Variants in CACNA1E observed in about 807,000 individuals in gnomAD.
CACNA1E encodes voltage-dependent R-type calcium channel subunit alpha-1E.
CACNA1E carries 40 observed loss-of-function variants against 259.2 expected under a neutral mutation model. The observed-to-expected ratio is 0.15, with a 90% CI of 0.12 to 0.20. The LOEUF is 0.20. CACNA1E is among the 10% of genes least tolerant of loss of function. CACNA1E has a pLI of 1.00. For synonymous variants in CACNA1E, 1,104 were observed against 1,138.5 expected (o/e 0.97, Z 0.61); for missense variants, 1,874 against 3,040.1 (o/e 0.62, Z 9.02).
chr1:181,570,456 C>A (rs1650297050), intron 3 of CACNA1E, among the ~76,000 whole-genome samples: 1 of 152,236 alleles, frequency 6.6e-6, no homozygotes, highest in South Asian at 2.1e-4. Flanking sequence ...GTATTAGTTT[C>A]CTATAGCTTC....
At chr1:181,622,913 T>A (rs2103178458) in intron 6 of CACNA1E, among the ~76,000 whole-genome samples, 1 of 152,280 alleles carries the variant, frequency 6.6e-6, no homozygotes, top group East Asian at 1.9e-4. Flanking sequence ...GCTTAGGAGC[T>A]TTTTCTGGGC....
chr1:181,562,121 TA>T (rs1649388712), intron 3 of CACNA1E, among the ~76,000 whole-genome samples: 1 of 152,162 alleles, frequency 6.6e-6, no homozygotes, highest in African/African-American at 2.4e-5. Context: ...AGATGATTTT[TA>T]AATTTTTTGC....
At chr1:181,771,464 C>G (rs1659507054) in intron 36 of CACNA1E, 80 bp downstream of exon 36, 1 of 769,648 alleles carries the variant, frequency 1.3e-6, no homozygotes, top group African/African-American at 1.7e-5. Flanking sequence ...CCTCCCATTT[C>G]CCTTTGTATC....
chr1:181,780,221 G>C (rs1660306736), intron 38 of CACNA1E, among the ~76,000 whole-genome samples: 1 of 152,212 alleles, frequency 6.6e-6, no homozygotes. Flanking sequence ...ACTACTGAGA[G>C]AGTCCCTACC....
intron 6 of CACNA1E, among the ~76,000 whole-genome samples, chr1:181,593,522 A>G (rs1283444020): frequency 2.0e-5 from 3 of 152,212 alleles, no homozygotes; most frequent in African/African-American, 4.8e-5. Flanking sequence ...AGTTGCTTCC[A>G]AATTCAAACA....
In CACNA1E at chr1:181,396,041, C is replaced by T. The variant is rs113501393; in HGVS notation, c.-14-17092C>T. ...TTGAAATTAAGTTGTTAGCTGTGGC[C>T]GCAGTCATCTCTAGGGTCAACTGGG... On this transcript the variant is annotated intron_variant, in intron 1 of 11. Transcript: ENST00000524607. Among the ~76,000 whole-genome samples, 1,199 of 152,240 alleles carry T rather than the reference C, an allele frequency of 7.9e-3. 18 individuals carry two copies. The highest frequency in any genetic ancestry group is 0.027 in the African/African-American group (1,120 of 41,524).
chr1:181,791,421 C>T (rs190193683), intron 44 of CACNA1E, among the ~76,000 whole-genome samples: 3 of 152,224 alleles, frequency 2.0e-5, no homozygotes, highest in East Asian at 1.9e-4. Context: ...TGCAATGAGC[C>T]GAGATGGCGC....
At chr1:181,533,276 A>G (rs1667921668) in intron 3 of CACNA1E, among the ~76,000 whole-genome samples, 1 of 149,654 alleles carries the variant, frequency 6.7e-6, no homozygotes, top group Non-Finnish European at 1.5e-5. Context: ...AGTTATGATT[A>G]TCATGTTTAG....
At chr1:181,672,104 G>A (rs1231093824) in intron 7 of CACNA1E, among the ~76,000 whole-genome samples, 1 of 152,178 alleles carries the variant, frequency 6.6e-6, no homozygotes, top group African/African-American at 2.4e-5. Context: ...TGAAGCTGGA[G>A]GCCGTTATCC....
intron 25 of CACNA1E, among the ~76,000 whole-genome samples, chr1:181,747,227 G>A (rs1261566839): frequency 1.3e-5 from 2 of 152,236 alleles, no homozygotes; most frequent in Admixed American, 6.5e-5. Flanking sequence ...AAGGACAGAA[G>A]GGTTCTTTAG....
intron 3 of CACNA1E, among the ~76,000 whole-genome samples, chr1:181,528,332 C>CA (rs139736426): frequency 0.17 from 25,642 of 152,182 alleles, 2,327 homozygotes; most frequent in African/African-American, 0.23. Flanking sequence ...GAGGCCTCCC[C>CA]AGCCAAGTGG....
chr1:181,733,158 A>G (rs1558321176), intron 20 of CACNA1E, 124 bp downstream of exon 20: 1 of 1,348,964 alleles, frequency 7.4e-7, no homozygotes. Flanking sequence ...GCTGACACAC[A>G]CTTTGTGAGG....
At chr1:181,479,895 C>T (rs933336631), upstream of CACNA1E, among the ~76,000 whole-genome samples, 3 of 152,214 alleles carry the variant, frequency 2.0e-5, no homozygotes, top group Admixed American at 6.5e-5. Flanking sequence ...GGTCGTGATA[C>T]ATGTGTTACC....
chr1:181,723,476 T>TG (rs1654598531), intron 16 of CACNA1E, among the ~76,000 whole-genome samples: 1 of 152,156 alleles, frequency 6.6e-6, no homozygotes. Context: ...ACCAAATGCG[T>TG]GGGTTTTTTT....
intron 1 of CACNA1E, among the ~76,000 whole-genome samples, chr1:181,390,241 G>A (rs1048874771): frequency 6.6e-6 from 1 of 152,222 alleles, no homozygotes; most frequent in African/African-American, 2.4e-5. Flanking sequence ...TTGCTAACCT[G>A]ACCGCCTTAG....
chr1:181,326,056 G>C (rs1557912787), intron 1 of CACNA1E, among the ~76,000 whole-genome samples: 1 of 152,190 alleles, frequency 6.6e-6, no homozygotes, highest in East Asian at 1.9e-4. Flanking sequence ...TGGAGGATTT[G>C]TCCACACCCA....
At chr1:181,529,596 G>A (rs976267965) in intron 3 of CACNA1E, among the ~76,000 whole-genome samples, 7 of 152,212 alleles carry the variant, frequency 4.6e-5, no homozygotes, top group African/African-American at 1.7e-4. Context: ...AGCCACAGGG[G>A]TGGGGCTGCC....
intron 1 of CACNA1E, among the ~76,000 whole-genome samples, chr1:181,501,135 G>GCGTTCAATCATTTGTCTGC (rs1188189072): frequency 1.2e-4 from 18 of 152,188 alleles, no homozygotes; most frequent in African/African-American, 3.6e-4. Flanking sequence ...CTTTTCTGTA[G>GCGTTCAATCATTTGTCTGC]CGTTCAATCA....
chr1:181,716,990 C>T, intron 10 of CACNA1E, 103 bp from the exon 11 acceptor site: 2 of 895,464 alleles, frequency 2.2e-6, no homozygotes, highest in Non-Finnish European at 1.8e-6. Flanking sequence ...GTGGCAGTCA[C>T]CTTGCCCTGG....
Sources: gnomAD v4.1 joint callset for allele counts (sites outside exome capture counted in the v4.1 genomes callset) on GRCh38, gnomAD v4.1.1 for gene constraint, MANE v1.5 for transcripts, NCBI Gene and HGNC (gene_info 2026-07-23, HGNC 2026-07-21) for gene names.